The following CDH9 variants were observed in gnomAD, a reference collection of about 807,000 sequenced individuals.
The protein encoded by CDH9 is cadherin 9, also known as cadherin-9.
A neutral mutation model predicts 70.9 loss-of-function variants in CDH9; 28 were observed. That is an observed-to-expected ratio of 0.40 (90% confidence interval 0.29 to 0.54). CDH9 has a LOEUF of 0.54. Among genes scored for constraint, CDH9 ranks in the 20% least tolerant of loss-of-function variants. The probability of loss-of-function intolerance (pLI) is 0.59; values close to 1 mark genes in which losing one functional copy is unlikely to be tolerated. For synonymous variants in CDH9, 409 were observed against 343.1 expected (o/e 1.19, Z -2.12); for missense variants, 874 against 984.4 (o/e 0.89, Z 1.50).
intron 1 of CDH9, among the ~76,000 whole-genome samples, chr5:26,997,637 A>G (rs1403392124): frequency 3.3e-5 from 5 of 152,208 alleles, no homozygotes; most frequent in Non-Finnish European, 7.3e-5. Flanking sequence ...TGACATGTTT[A>G]AGATTGTTGG....
intron 1 of CDH9, among the ~76,000 whole-genome samples, chr5:27,027,823 C>A (rs1743246216): frequency 6.6e-6 from 1 of 152,016 alleles, no homozygotes; most frequent in Non-Finnish European, 1.5e-5. Flanking sequence ...CTGACATCAT[C>A]AGCCTAGTGC....
intron 2 of CDH9, among the ~76,000 whole-genome samples, chr5:26,954,077 T>C (rs185207107): frequency 7.0e-4 from 107 of 152,306 alleles, no homozygotes; most frequent in Non-Finnish European, 1.3e-3. Context: ...GGTCATTATT[T>C]CTCTGCTCGG....
intron 1 of CDH9, among the ~76,000 whole-genome samples, chr5:26,996,319 G>A (rs1241642468): frequency 6.6e-6 from 1 of 151,842 alleles, no homozygotes; most frequent in Non-Finnish European, 1.5e-5. Flanking sequence ...GTGTGATACG[G>A]TCATATAATT....
chr5:26,982,112 TC>T (rs1169072161), intron 2 of CDH9, among the ~76,000 whole-genome samples: 1 of 151,014 alleles, frequency 6.6e-6, no homozygotes, highest in Non-Finnish European at 1.5e-5. Context: ...TGCAAGTTTT[TC>T]CCTCCCTCCC....
At chr5:26,929,161 G>A (rs10040474) in intron 2 of CDH9, among the ~76,000 whole-genome samples, 14,571 of 151,862 alleles carry the variant, frequency 0.096, 878 homozygotes, top group East Asian at 0.17. Flanking sequence ...CTAAGTATTC[G>A]ATTTAAAAAT....
intron 7 of CDH9, among the ~76,000 whole-genome samples, chr5:26,895,490 T>C (rs1740733553): frequency 2.0e-5 from 3 of 152,032 alleles, no homozygotes; most frequent in Admixed American, 6.6e-5. Flanking sequence ...ACCAGAAAGT[T>C]TGTTTTGTTA....
chr5:26,925,666 G>A (rs1170029340), intron 2 of CDH9, among the ~76,000 whole-genome samples: 1 of 151,860 alleles, frequency 6.6e-6, no homozygotes, highest in East Asian at 1.9e-4. Context: ...TTTCTTCCAG[G>A]GTTTTTATGG....
At chr5:27,005,395 C>G (rs373501613) in intron 1 of CDH9, among the ~76,000 whole-genome samples, 1 of 151,908 alleles carries the variant, frequency 6.6e-6, no homozygotes, top group African/African-American at 2.4e-5. Flanking sequence ...GACATACATG[C>G]GGCCAACAGC....
Position 27,025,304 on chromosome 5 carries a change from T to A in CDH9, c.-50+13159A>T, listed in dbSNP as rs1408623766. 2.6e-5 allele frequency among the ~76,000 whole-genome samples: 4 copies of A among 152,092 alleles called. 1 individual carries two copies. The East Asian group carries it at 7.7e-4, about 29-fold the overall frequency. ...AAGCATTCTGCTAAAAGCTTAAAGT[T>A]CAATGTTTAGTAAATACATTGCATA... On this transcript the variant is annotated intron_variant, in intron 1 of 11. Transcript: ENST00000231021.
At chr5:27,022,481 T>C (rs1327156790) in intron 1 of CDH9, among the ~76,000 whole-genome samples, 1 of 152,108 alleles carries the variant, frequency 6.6e-6, no homozygotes, top group African/African-American at 2.4e-5. Context: ...AATGTTATAG[T>C]TGCATAAACA....
chr5:27,000,870 C>T (rs1388115713), intron 1 of CDH9, among the ~76,000 whole-genome samples: 1 of 152,066 alleles, frequency 6.6e-6, no homozygotes, highest in Admixed American at 6.6e-5. Context: ...GAAAAGGCTA[C>T]ATATTGAATG....
intron 2 of CDH9, among the ~76,000 whole-genome samples, chr5:26,960,830 G>A (rs892668441): frequency 3.3e-5 from 5 of 151,766 alleles, no homozygotes; most frequent in African/African-American, 4.8e-5. Context: ...GGGCATCCTC[G>A]GGATTTTATT....
rs575915346 is a variant in CDH9, at chr5:26,926,275, A to G, written c.229-10351T>C. ...GATACAAAATCAACGTGCAAAAATC[A>G]CAAGCATTCTTATACACCAATAACA... is the stretch of plus-strand genomic sequence containing the variant. On this transcript the variant is annotated intron_variant, in intron 2 of 11. Coordinates refer to ENST00000231021, the MANE Select transcript of CDH9 (RefSeq NM_016279.4). Among the ~76,000 whole-genome samples, 4 of 128,848 alleles carry G rather than the reference A, an allele frequency of 3.1e-5. No homozygotes were observed. The East Asian group carries it at 9.3e-4, about 30-fold the overall frequency. The allele number at this position is 128,848 out of a possible 152,430, so 84.5% of individuals were successfully genotyped here. A position where few individuals can be genotyped will look rare whatever the true frequency, so the allele number is the denominator to read the frequency against.
At chr5:26,941,513 A>G (rs1031874051) in intron 2 of CDH9, among the ~76,000 whole-genome samples, 1 of 152,232 alleles carries the variant, frequency 6.6e-6, no homozygotes, top group Non-Finnish European at 1.5e-5. Context: ...AATATGAACC[A>G]GACTATTGCC....
At chr5:26,940,647 T>C (rs1741644869) in intron 2 of CDH9, among the ~76,000 whole-genome samples, 3 of 152,176 alleles carry the variant, frequency 2.0e-5, no homozygotes. Context: ...TTTTTTTCAG[T>C]GACGAAAACA....
At chr5:26,976,449 T>C (rs917177351) in intron 2 of CDH9, among the ~76,000 whole-genome samples, 3 of 151,954 alleles carry the variant, frequency 2.0e-5, no homozygotes, top group Non-Finnish European at 4.4e-5. Context: ...TAATTTTTTG[T>C]TTGTTTTGTT....
intron 3 of CDH9, among the ~76,000 whole-genome samples, chr5:26,910,106 A>C (rs1156415118): frequency 5.9e-5 from 9 of 152,104 alleles, no homozygotes; most frequent in East Asian, 1.9e-4. Context: ...AAGAAAAAAC[A>C]TCCCTCTATA....
At chr5:26,931,969 T>G (rs1273875173) in intron 2 of CDH9, among the ~76,000 whole-genome samples, 1 of 152,170 alleles carries the variant, frequency 6.6e-6, no homozygotes, top group African/African-American at 2.4e-5. Flanking sequence ...TTCAGTGAAT[T>G]TCAACCAAGA....
intron 2 of CDH9, among the ~76,000 whole-genome samples, chr5:26,917,304 TC>T (rs1741166512): frequency 1.3e-5 from 2 of 151,948 alleles, no homozygotes; most frequent in African/African-American, 4.8e-5. Context: ...GAGATATTGA[TC>T]AAGGAATGCA....
Sources: gnomAD v4.1 joint callset for allele counts (sites outside exome capture counted in the v4.1 genomes callset) on GRCh38, gnomAD v4.1.1 for gene constraint, MANE v1.5 for transcripts, NCBI Gene and HGNC (gene_info 2026-07-23, HGNC 2026-07-21) for gene names.